Variants in DNAJC11 observed in about 807,000 individuals in gnomAD.
DNAJC11 encodes the protein dnaJ homolog subfamily C member 11.
A neutral mutation model predicts 78.6 loss-of-function variants in DNAJC11; 15 were observed. The ratio of observed to expected loss-of-function variants is 0.19; its 90% CI spans 0.13 to 0.29. DNAJC11 has a LOEUF of 0.29. Ranked by LOEUF, DNAJC11 falls within the 10% of genes least tolerant of loss-of-function variation. The pLI is 1.00. For missense variants in DNAJC11, 547 were observed against 709.6 expected (o/e 0.77, Z 2.60); for synonymous variants, 292 against 272.1 (o/e 1.07, Z -0.72).
chr1:6,641,377 CAA>C (rs138659014), intron 10 of DNAJC11, among the ~76,000 whole-genome samples: 48,864 of 104,646 alleles, frequency 0.47, 11,339 homozygotes, highest in South Asian at 0.59. Context: ...ACTCCGTCTC[CAA>C]AAAAAAAAAA....
Position 6,651,509 on chromosome 1 carries a change from C to T in DNAJC11, c.704+20G>A, listed in dbSNP as rs755451575. The T allele has an allele frequency of 6.8e-6, 11 of 1,609,180 alleles. No homozygotes were observed. Among genetic ancestry groups the T allele is most frequent in the Non-Finnish European group, 9.4e-6 (11 of 1,175,924 alleles). ...GCCAACAAAGACCACCAAAGAGGAG[C>T]TGCTGTCTCTCATATTTACCATCTT... On this transcript the variant is annotated intron_variant, in intron 7 of 15. Coordinates refer to ENST00000377577, the MANE Select transcript of DNAJC11 (RefSeq NM_018198.4).
Position 6,652,844 on chromosome 1 carries a change from T to G in DNAJC11, c.615A>C (p.Ala205=), listed in dbSNP as rs199541790. Reference sequence around the variant, plus strand: ...ACATTCTTACCTCTCCCCATCCCTTTGCCGAAGTTACTCGTCTGAGCGCAA... The same window carrying G: ...ACATTCTTACCTCTCCCCATCCCTTGGCCGAAGTTACTCGTCTGAGCGCAA... ...INFALRRVTS[A]KGWGELEFGA... The change falls in exon 6 of 16, where the codon GCA becomes GCC. Residue 205 remains alanine (A), a synonymous_variant. Transcript: ENST00000377577. 25 of 1,614,196 alleles carry G rather than the reference T, an allele frequency of 1.5e-5. No homozygotes were observed. In the East Asian group the frequency reaches 2.7e-4, roughly 17 times the overall value.
At chr1:6,679,542 A>G (rs1201852094) in intron 2 of DNAJC11, among the ~76,000 whole-genome samples, 2 of 152,168 alleles carry the variant, frequency 1.3e-5, no homozygotes, top group Non-Finnish European at 2.9e-5. Context: ...GACAGTTCCC[A>G]TATATTTGTA....
At chr1:6,686,876 T>A (rs1173109647) in intron 1 of DNAJC11, among the ~76,000 whole-genome samples, 1 of 152,222 alleles carries the variant, frequency 6.6e-6, no homozygotes, top group Non-Finnish European at 1.5e-5. Context: ...ATTTTCAAAC[T>A]CGAACTTCCA....
At chr1:6,643,097 C>A (rs141098077) in intron 10 of DNAJC11, among the ~76,000 whole-genome samples, 1 of 151,880 alleles carries the variant, frequency 6.6e-6, no homozygotes, top group South Asian at 2.1e-4. Flanking sequence ...ACGGCCACCG[C>A]GACAGCAGGT....
chr1:6,679,111 A>G (rs1017529910), intron 2 of DNAJC11, among the ~76,000 whole-genome samples: 2 of 152,216 alleles, frequency 1.3e-5, no homozygotes, highest in African/African-American at 4.8e-5. Flanking sequence ...GTTGTTTTTA[A>G]GATAATTTGG....
intron 11 of DNAJC11, among the ~76,000 whole-genome samples, chr1:6,639,555 C>T (rs188951286): frequency 1.2e-4 from 18 of 152,176 alleles, no homozygotes; most frequent in Admixed American, 2.6e-4. Flanking sequence ...TGGTCCTGAA[C>T]GCCTCACCTC....
chr1:6,677,809 C>T (rs1056501091), intron 3 of DNAJC11, among the ~76,000 whole-genome samples: 2 of 152,140 alleles, frequency 1.3e-5, no homozygotes, highest in South Asian at 2.1e-4. Flanking sequence ...CTGCCCAGGG[C>T]GACACATTTG....
At chr1:6,675,949 T>C (rs1012629272) in intron 3 of DNAJC11, among the ~76,000 whole-genome samples, 1 of 152,180 alleles carries the variant, frequency 6.6e-6, no homozygotes, top group Non-Finnish European at 1.5e-5. Flanking sequence ...TGAAAAATTG[T>C]AGCCAACCCA....
chr1:6,682,359 T>C (rs546034929), intron 1 of DNAJC11, among the ~76,000 whole-genome samples: 95 of 152,080 alleles, frequency 6.2e-4, no homozygotes, highest in Non-Finnish European at 1.2e-3. Flanking sequence ...AAAGCCAGGG[T>C]ATTTGTGCGA....
rs1642535832 is a variant in DNAJC11, at chr1:6,680,570, A to G, written c.202+338T>C. On this transcript the variant is annotated intron_variant, in intron 2 of 15. Coordinates refer to ENST00000377577, the MANE Select transcript of DNAJC11 (RefSeq NM_018198.4). This position sits in a 1 kb window ranked among gnomAD's most constrained non-coding sequence, Gnocchi z 4.0. ...GTCCTTGTATCTTCTAACAAAAAAGAGAACAAAGAAACCTTCCCTGTAACG... is the reference window on the plus strand; with the variant it reads ...GTCCTTGTATCTTCTAACAAAAAAGGGAACAAAGAAACCTTCCCTGTAACG... Among the ~76,000 whole-genome samples the G allele has an allele frequency of 6.6e-6, 1 of 152,232 alleles. No individual in the cohort carries two copies. Among genetic ancestry groups the G allele is most frequent in the South Asian group, 2.1e-4 (1 of 4,836 alleles).
intron 4 of DNAJC11, among the ~76,000 whole-genome samples, chr1:6,659,614 G>A (rs1260191581): frequency 6.6e-6 from 1 of 151,962 alleles, no homozygotes; most frequent in Non-Finnish European, 1.5e-5. Context: ...ACAAAAACAT[G>A]AGCCGGGCAT....
rs1405129191 is a variant in DNAJC11, at chr1:6,691,621, G to GTTGA, written c.72+10104_72+10107dup. On this transcript the variant is annotated intron_variant, in intron 1 of 15. Coordinates refer to ENST00000377577, the MANE Select transcript of DNAJC11 (RefSeq NM_018198.4). ...TGCCTACTCATGCAGACTTCTTGTG[G>GTTGA]TTGATCTCTATTGGCTTGGCATTTT... is the stretch of plus-strand genomic sequence containing the variant. Among the ~76,000 whole-genome samples, 15 of 152,310 alleles carry GTTGA rather than the reference G, an allele frequency of 9.8e-5. No individual in the cohort carries two copies. The East Asian group carries it at 2.9e-3, about 29-fold the overall frequency.
chr1:6,637,172 G>A (rs199532360), intron 14 of DNAJC11, 26 bp downstream of exon 14: 154 of 1,613,540 alleles, frequency 9.5e-5, no homozygotes, highest in Non-Finnish European at 1.2e-4. Flanking sequence ...TGAGCACATA[G>A]CATGTGGTGG....
chr1:6,698,167 T>C (rs899457512), intron 1 of DNAJC11, among the ~76,000 whole-genome samples: 3 of 152,048 alleles, frequency 2.0e-5, no homozygotes, highest in African/African-American at 7.3e-5. Flanking sequence ...GAAAACTCTC[T>C]GAACTCTACT....
intron 11 of DNAJC11, 61 bp from the exon 12 acceptor site, chr1:6,638,425 C>A: frequency 2.6e-5 from 40 of 1,543,452 alleles, no homozygotes; most frequent in Non-Finnish European, 3.5e-5. Context: ...CCAGCCAACA[C>A]AGCCCCTCCC....
At chr1:6,697,485 T>C (rs1389663848) in intron 1 of DNAJC11, among the ~76,000 whole-genome samples, 2 of 152,210 alleles carry the variant, frequency 1.3e-5, no homozygotes, top group Non-Finnish European at 1.5e-5. Context: ...CAGTTCCCAA[T>C]AGGGTTCATG....
intron 9 of DNAJC11, 55 bp downstream of exon 9, chr1:6,644,986 T>C (rs1345042665): frequency 6.6e-7 from 1 of 1,520,696 alleles, no homozygotes; most frequent in Non-Finnish European, 9.1e-7. Flanking sequence ...GGTTCCACTG[T>C]GAAGACCCGC....
rs530378430 is a variant in DNAJC11, at chr1:6,634,515, C to T, written c.*1160G>A. The stretch of plus-strand genomic sequence containing the variant: ...GGCCGGCGCAGCTTGGGGCCCCCCG[C>T]GCCAGCTGTCTCAGCCACCACCTGT... On this transcript the variant is annotated 3_prime_UTR_variant, in exon 16 of 16. Coordinates refer to ENST00000377577, the MANE Select transcript of DNAJC11 (RefSeq NM_018198.4). 1.4e-4 allele frequency: 191 copies of T among 1,355,460 alleles called. No individual in the cohort carries two copies. The South Asian group carries it at 2.0e-3, about 14-fold the overall frequency. The allele number at this position is 1,355,460 out of a possible 1,614,324, so 84.0% of individuals were successfully genotyped here. A position where few individuals can be genotyped will look rare whatever the true frequency, so the allele number is the denominator to read the frequency against.
Sources: gnomAD v4.1 joint callset for allele counts (sites outside exome capture counted in the v4.1 genomes callset) on GRCh38, gnomAD v4.1.1 for gene constraint, Gnocchi (gnomAD v3.1) non-coding constraint, MANE v1.5 for transcripts, NCBI Gene and HGNC (gene_info 2026-07-23, HGNC 2026-07-21) for gene names.